Variants in DPP10 observed in about 807,000 individuals in gnomAD.
DPP10 encodes the protein dipeptidyl peptidase like 10.
In DPP10, 33 loss-of-function variants were observed where a neutral mutation model predicts 120.9. That is an observed-to-expected ratio of 0.27 (90% CI 0.21 to 0.37). The LOEUF is 0.37. DPP10 is among the 10% of genes least tolerant of loss of function. The pLI, the probability that DPP10 is intolerant of heterozygous loss-of-function variation, is 1.00. For synonymous variants in DPP10, 337 were observed against 326.1 expected, an observed-to-expected ratio of 1.03 and a Z score of -0.36; for missense variants, 816 against 942.8, an observed-to-expected ratio of 0.87 and a Z score of 1.76.
intron 1 of DPP10, among the ~76,000 whole-genome samples, chr2:114,999,826 C>T (rs899579785): frequency 6.6e-6 from 1 of 152,080 alleles, no homozygotes; most frequent in African/African-American, 2.4e-5. Flanking sequence ...CTCCTATCAA[C>T]TTGATGTGGG....
chr2:115,567,358 T>TC (rs2081066881), intron 5 of DPP10, among the ~76,000 whole-genome samples: 1 of 152,190 alleles, frequency 6.6e-6, no homozygotes, highest in African/African-American at 2.4e-5. Flanking sequence ...ATAACCAGAC[T>TC]CCTTAGTTTA....
intron 1 of DPP10, among the ~76,000 whole-genome samples, chr2:115,244,194 G>C (rs1238014324): frequency 3.4e-5 from 5 of 146,150 alleles, no homozygotes; most frequent in African/African-American, 1.0e-4. Context: ...CAGTCTCAGT[G>C]TCTATATATA....
chr2:115,230,980 A>G (rs2057708541), intron 1 of DPP10, among the ~76,000 whole-genome samples: 1 of 152,062 alleles, frequency 6.6e-6, no homozygotes, highest in Non-Finnish European at 1.5e-5. Context: ...AGGTGAACCT[A>G]TGGAGTACAG....
chr2:115,062,093 T>C (rs1179984517), intron 1 of DPP10, among the ~76,000 whole-genome samples: 5 of 151,462 alleles, frequency 3.3e-5, no homozygotes, highest in Non-Finnish European at 5.9e-5. Context: ...TCATGAGTGT[T>C]GGAAAAACTG....
At chr2:115,294,640 A>G (rs1265205041) in intron 1 of DPP10, among the ~76,000 whole-genome samples, 3 of 152,134 alleles carry the variant, frequency 2.0e-5, no homozygotes, top group Admixed American at 2.0e-4. Flanking sequence ...CTAGGACTGC[A>G]TTGTTAACCT....
intron 1 of DPP10, among the ~76,000 whole-genome samples, chr2:114,561,878 G>T (rs1285885534): frequency 6.6e-6 from 1 of 152,166 alleles, no homozygotes; most frequent in East Asian, 1.9e-4. Context: ...ATGACTTCTT[G>T]ACTACAGATT....
At chr2:114,858,539 A>G (rs1192454871) in intron 1 of DPP10, among the ~76,000 whole-genome samples, 1 of 152,188 alleles carries the variant, frequency 6.6e-6, no homozygotes, top group African/African-American at 2.4e-5. Context: ...ATTGTATCTG[A>G]GGCTGAGCAT....
intron 1 of DPP10, among the ~76,000 whole-genome samples, chr2:115,201,402 G>A (rs1348222877): frequency 6.6e-6 from 1 of 152,172 alleles, no homozygotes; most frequent in Admixed American, 6.5e-5. Flanking sequence ...GGCAGAGGCT[G>A]CAGTGAGTTG....
intron 1 of DPP10, chr2:114,829,017 G>T (rs1399274105): frequency 6.6e-6 from 1 of 152,124 alleles, no homozygotes; most frequent in Admixed American, 6.5e-5. Flanking sequence ...GGCCAGGTGC[G>T]GTGGCTCAGG....
At chr2:114,443,529 C>T (rs1265975307) in intron 1 of DPP10, among the ~76,000 whole-genome samples, 2 of 151,972 alleles carry the variant, frequency 1.3e-5, no homozygotes. Context: ...ATGCTTATAC[C>T]ATTCTCTTTG....
chr2:115,626,817 A>G (rs1048182990), intron 5 of DPP10, among the ~76,000 whole-genome samples: 4 of 152,206 alleles, frequency 2.6e-5, no homozygotes, highest in Admixed American at 1.3e-4. Context: ...CTATGTTTCA[A>G]TATTACCATT....
At chr2:115,722,853 A>G (rs2092680473) in intron 7 of DPP10, among the ~76,000 whole-genome samples, 1 of 152,178 alleles carries the variant, frequency 6.6e-6, no homozygotes. Context: ...GATAGAAGAG[A>G]TTTAATACAG....
At chr2:115,802,415 TG>T (rs1343191960) in intron 19 of DPP10, among the ~76,000 whole-genome samples, 2 of 152,200 alleles carry the variant, frequency 1.3e-5, no homozygotes, top group East Asian at 1.9e-4. Context: ...AAGGGTTTTT[TG>T]TGTCTCTATT....
At chr2:115,170,351 C>G (rs1461506336) in intron 1 of DPP10, among the ~76,000 whole-genome samples, 1 of 152,006 alleles carries the variant, frequency 6.6e-6, no homozygotes, top group Admixed American at 6.6e-5. Flanking sequence ...GATAATTCTT[C>G]TCTCTTAGAC....
chr2:115,656,998 A>G (rs1235268252), intron 5 of DPP10, among the ~76,000 whole-genome samples: 1 of 151,674 alleles, frequency 6.6e-6, no homozygotes, highest in Admixed American at 6.6e-5. Context: ...TGTGTAACAT[A>G]GTATCTATAT....
chr2:115,016,160 C>T (rs576589651), intron 1 of DPP10, among the ~76,000 whole-genome samples: 1 of 152,160 alleles, frequency 6.6e-6, no homozygotes, highest in East Asian at 1.9e-4. Context: ...ATATATAGAC[C>T]AATGGAACAG....
intron 1 of DPP10, among the ~76,000 whole-genome samples, chr2:114,823,307 A>G (rs1686252380): frequency 6.6e-6 from 1 of 152,104 alleles, no homozygotes; most frequent in Admixed American, 6.5e-5. Flanking sequence ...GATCTCATGA[A>G]AACTCTGTCA....
At chr2:115,825,199 C>G (rs2150074387) in intron 21 of DPP10, among the ~76,000 whole-genome samples, 1 of 152,258 alleles carries the variant, frequency 6.6e-6, no homozygotes, top group East Asian at 1.9e-4. Flanking sequence ...TGCATTCCAC[C>G]TTTCTACCTC....
rs144877860 is a variant in DPP10 at position 115,756,728 on chromosome 2, C to T, written c.1074+3431C>T. Among the ~76,000 whole-genome samples, 725 of 152,122 alleles carry T rather than the reference C, an allele frequency of 4.8e-3. 6 individuals carry two copies. The highest frequency in any genetic ancestry group is 0.016 in the African/African-American group (648 of 41,484). On this transcript the variant is annotated intron_variant, in intron 11 of 25. Transcript: ENST00000410059. ...CCTTGTCTTGGTTTGTTTTGTGCTG[C>T]CATAACAACCTACCACAGGCTGGGT...
Sources: allele counts gnomAD v4.1 joint callset (sites outside exome capture counted in the v4.1 genomes callset), GRCh38; gene constraint gnomAD v4.1.1; transcripts MANE v1.5; gene names NCBI Gene and HGNC (gene_info 2026-07-23, HGNC 2026-07-21).